Variants in RNF38 observed in about 807,000 individuals in gnomAD.
RNF38 encodes the protein ring finger protein 38.
A neutral mutation model predicts 67.2 loss-of-function variants in RNF38; 15 were observed. The observed-to-expected ratio is 0.22, with a 90% CI of 0.15 to 0.34. RNF38 has a LOEUF of 0.34. Among genes scored for constraint, RNF38 ranks in the 10% least tolerant of loss-of-function variants. The pLI, the probability that RNF38 is intolerant of heterozygous loss-of-function variation, is 1.00. For missense variants in RNF38, 524 were observed against 639.9 expected, an observed-to-expected ratio of 0.82 and a Z score of 1.95; for synonymous variants, 220 against 218.8, an observed-to-expected ratio of 1.01 and a Z score of -0.05.
intron 1 of RNF38, among the ~76,000 whole-genome samples, chr9:36,463,049 G>A (rs2134381867): frequency 6.6e-6 from 1 of 152,086 alleles, no homozygotes; most frequent in South Asian, 2.1e-4. Context: ...TACTCCATAG[G>A]CAGAGCAGCC....
At chr9:36,441,129 A>G (rs753401051) in intron 1 of RNF38, among the ~76,000 whole-genome samples, 21 of 152,312 alleles carry the variant, frequency 1.4e-4, no homozygotes, top group South Asian at 6.2e-4. Flanking sequence ...AAAAAGCTCA[A>G]TGGAAAAGAA....
At chr9:36,386,921 G>A (rs2133977045) in intron 2 of RNF38, among the ~76,000 whole-genome samples, 1 of 152,310 alleles carries the variant, frequency 6.6e-6, no homozygotes, top group South Asian at 2.1e-4. Context: ...TTGTGTCTCA[G>A]CCTCTTGAGT....
At chr9:36,438,977 T>C (rs1213758468) in intron 1 of RNF38, among the ~76,000 whole-genome samples, 1 of 150,994 alleles carries the variant, frequency 6.6e-6, no homozygotes, top group Middle Eastern at 3.2e-3. Context: ...TGCTCTCTAC[T>C]CTCACAAACT....
chr9:36,351,271 G>T, intron 8 of RNF38, 72 bp from the exon 9 acceptor site: 1 of 995,644 alleles, frequency 1.0e-6, no homozygotes, highest in Admixed American at 2.2e-5. Flanking sequence ...AGGGAGGACA[G>T]AGGCCAGTGC....
At position 36,353,171 on chromosome 9, in the gene RNF38, A is replaced by G; in HGVS notation, c.1070T>C (p.Val357Ala). ...ACATAGTACTCTGTGAAAACTTACTACTCCAAAGGACACCTCCTGATGCAA... is the reference window on the plus strand; with the variant it reads ...ACATAGTACTCTGTGAAAACTTACTGCTCCAAAGGACACCTCCTGATGCAA... ...DPLHQEVSFGVPYPPFMPRRL... is the reference protein window; with the variant it reads ...DPLHQEVSFGAPYPPFMPRRL... Residue 357 changes from valine to alanine, a missense_variant and splice_region_variant, in exon 7 of 12, where the codon GTA becomes GCA. Physicochemically the swap from Val to Ala is moderately conservative, Grantham distance 64. Around this residue, in one of 2 missense-constraint regions of RNF38, gnomAD observed 461 missense variants for 517.4 expected, o/e 0.89. Transcript: ENST00000259605. 1 of 1,613,558 alleles carries G rather than the reference A, an allele frequency of 6.2e-7. No individual in the cohort carries two copies. The highest frequency in any genetic ancestry group is 1.3e-5 in the African/African-American group (1 of 75,002).
At chr9:36,454,645 C>T (rs921039508) in intron 1 of RNF38, among the ~76,000 whole-genome samples, 3 of 143,348 alleles carry the variant, frequency 2.1e-5, no homozygotes, top group African/African-American at 5.2e-5. Context: ...TGCAGTGGCA[C>T]AATCTCGGCT....
chr9:36,471,429 T>A (rs1249266500), intron 1 of RNF38, among the ~76,000 whole-genome samples: 1 of 152,240 alleles, frequency 6.6e-6, no homozygotes, highest in Non-Finnish European at 1.5e-5. Flanking sequence ...ACATCTCAAA[T>A]GTGCTACAAA....
At chr9:36,382,968 T>C (rs988592222) in intron 2 of RNF38, among the ~76,000 whole-genome samples, 1 of 152,212 alleles carries the variant, frequency 6.6e-6, no homozygotes, top group Admixed American at 6.5e-5. Context: ...TCATTTTAAA[T>C]AAATGTGAAA....
At chr9:36,423,779 C>T (rs1838693446) in intron 2 of RNF38, among the ~76,000 whole-genome samples, 1 of 61,978 alleles carries the variant, frequency 1.6e-5, no homozygotes, top group African/African-American at 5.6e-5. Flanking sequence ...GAAACCCCGT[C>T]TCTACTAAAA....
Position 36,393,508 on chromosome 9 carries a change from TGTGTGTGTGTGTGTGG to T in RNF38, c.13-2908_13-2893del, listed in dbSNP as rs1293645696. Among the ~76,000 whole-genome samples the T allele has an allele frequency of 1.9e-3, 288 of 149,156 alleles. 1 individual carries two copies. The highest frequency in any genetic ancestry group is 6.9e-3 in the Middle Eastern group (2 of 290). ...GTGTGTGTGTGTGTGTGTGTGTGTG[TGTGTGTGTGTGTGTGG>T]GGCAGGCAGTCCCATACATAGGTTG... is the stretch of plus-strand genomic sequence containing the variant. On this transcript the variant is annotated intron_variant, in intron 1 of 11. Transcript: ENST00000259605.
At chr9:36,442,698 G>C (rs1185268869) in intron 1 of RNF38, among the ~76,000 whole-genome samples, 1 of 152,190 alleles carries the variant, frequency 6.6e-6, no homozygotes, top group Non-Finnish European at 1.5e-5. Context: ...AGAATCACTT[G>C]AACCTGGAAA....
At chr9:36,346,777 GT>G (rs1833270131) in intron 9 of RNF38, among the ~76,000 whole-genome samples, 1 of 152,068 alleles carries the variant, frequency 6.6e-6, no homozygotes, top group Non-Finnish European at 1.5e-5. Flanking sequence ...TAAATAATTT[GT>G]TCCCCTTTCA....
At position 36,344,818 on chromosome 9, in the gene RNF38, A is replaced by T; in HGVS notation, c.1385+14T>A. 1.2e-6 allele frequency: 2 copies of T among 1,609,518 alleles called. No homozygotes were observed. The highest frequency in any genetic ancestry group is 1.7e-6 in the Non-Finnish European group (2 of 1,177,176). ...AAAGGAAATTTAGCAGTGATGTCAG[A>T]AAAATTTACTTACAAAGTCTGTTCT... On this transcript the variant is annotated intron_variant, in intron 10 of 11. Coordinates refer to ENST00000259605, the MANE Select transcript of RNF38 (RefSeq NM_022781.5).
intron 3 of RNF38, chr9:36,372,382 GTTAA>G (rs1835454053): frequency 7.0e-6 from 4 of 568,328 alleles, no homozygotes; most frequent in South Asian, 7.0e-5. Flanking sequence ...GAAGTTTATT[GTTAA>G]TTGAGTTTAA....
chr9:36,400,050 G>C (rs576566695), intron 1 of RNF38, 47 bp downstream of exon 1: 2 of 1,568,780 alleles, frequency 1.3e-6, no homozygotes, highest in African/African-American at 2.7e-5. Flanking sequence ...AACTTTTACT[G>C]AATAATAGCA....
chr9:36,485,705 A>G (rs1223504464), intron 1 of RNF38, among the ~76,000 whole-genome samples: 1 of 152,218 alleles, frequency 6.6e-6, no homozygotes, highest in East Asian at 1.9e-4. Flanking sequence ...ACAGCAGGAA[A>G]GCTAAGGTGC....
At chr9:36,421,837 T>C (rs770282376) in intron 2 of RNF38, among the ~76,000 whole-genome samples, 7 of 152,160 alleles carry the variant, frequency 4.6e-5, no homozygotes, top group Non-Finnish European at 1.0e-4. Context: ...CCACGTGTCA[T>C]AGAAAGACGT....
At chr9:36,401,902 GTC>G (rs1471671823), upstream of RNF38, among the ~76,000 whole-genome samples, 3 of 152,168 alleles carry the variant, frequency 2.0e-5, no homozygotes, top group African/African-American at 4.8e-5. Context: ...ACTTAAACCA[GTC>G]TCTCTTTCCC....
In RNF38 at chr9:36,425,975, C is replaced by T. The variant is rs566646931; in HGVS notation, n.242-1292G>A. On this transcript the variant is annotated intron_variant and non_coding_transcript_variant, in intron 1 of 3. Transcript: ENST00000488058. ...CCTCCCAAAGTGCTAGGATTGCAGG[C>T]GTGAGCCACCCACCTGGCCTCAGAC... is the stretch of plus-strand genomic sequence containing the variant. 7.2e-5 allele frequency among the ~76,000 whole-genome samples: 11 copies of T among 152,224 alleles called. No individual in the cohort carries two copies. In the East Asian group the frequency reaches 7.7e-4, roughly 11 times the overall value.
Sources: allele counts gnomAD v4.1 joint callset (sites outside exome capture counted in the v4.1 genomes callset), GRCh38; gene constraint gnomAD v4.1.1; regional missense constraint gnomAD v4.1.1; transcripts MANE v1.5; gene names NCBI Gene and HGNC (gene_info 2026-07-23, HGNC 2026-07-21).